The following RPS6KB1 variants were observed in gnomAD, a reference collection of about 807,000 sequenced individuals.
RPS6KB1 encodes ribosomal protein S6 kinase B1, also known as ribosomal protein S6 kinase beta-1.
RPS6KB1 carries 12 observed loss-of-function variants against 70.2 expected under a neutral mutation model. The ratio of observed to expected loss-of-function variants is 0.17; its 90% CI spans 0.11 to 0.28. The LOEUF (loss-of-function observed/expected upper bound fraction) is 0.28, where lower values mean the gene tolerates loss of function less well. RPS6KB1 is among the 10% of genes least tolerant of loss of function. The pLI is 1.00. For synonymous variants in RPS6KB1, 175 were observed against 211.2 expected (o/e 0.83, Z 1.49); for missense variants, 270 against 646.6 (o/e 0.42, Z 6.32).
chr17:59,931,498 C>T, intron 6 of RPS6KB1, 124 bp from the exon 7 acceptor site: 1 of 692,184 alleles, frequency 1.4e-6, no homozygotes, highest in East Asian at 2.7e-5. Flanking sequence ...CCAATACATC[C>T]CCCTACCCCA....
At chr17:59,900,475 C>A (rs1262695553) in intron 1 of RPS6KB1, among the ~76,000 whole-genome samples, 2 of 152,048 alleles carry the variant, frequency 1.3e-5, no homozygotes, top group Admixed American at 6.6e-5. Context: ...AAGCGATTCT[C>A]TTTCCTCAGC....
chr17:59,945,278 G>A (rs921937266), intron 13 of RPS6KB1, 128 bp from the exon 14 acceptor site: 15 of 563,774 alleles, frequency 2.7e-5, no homozygotes, highest in African/African-American at 2.3e-4. Context: ...GGTTGAGGAC[G>A]TGGGAGAGTG....
intron 1 of RPS6KB1, among the ~76,000 whole-genome samples, chr17:59,897,778 A>C (rs947559175): frequency 6.6e-6 from 1 of 152,082 alleles, no homozygotes; most frequent in African/African-American, 2.4e-5. Context: ...CAGCCTGGCC[A>C]ATATGGTGAA....
intron 2 of RPS6KB1, among the ~76,000 whole-genome samples, chr17:59,911,035 C>G (rs1184274534): frequency 6.6e-6 from 1 of 152,194 alleles, no homozygotes; most frequent in Non-Finnish European, 1.5e-5. Flanking sequence ...GTAATCCCAG[C>G]AGTTTGGGAG....
intron 13 of RPS6KB1, among the ~76,000 whole-genome samples, chr17:59,944,791 CT>C (rs3066277): frequency 0.041 from 5,495 of 134,418 alleles, 261 homozygotes; most frequent in African/African-American, 0.13. Context: ...TATTTAACAT[CT>C]TTTTTTTTTT....
intron 1 of RPS6KB1, among the ~76,000 whole-genome samples, chr17:59,903,414 G>T (rs1166002472): frequency 6.6e-6 from 1 of 152,074 alleles, no homozygotes; most frequent in Non-Finnish European, 1.5e-5. Context: ...GGTTGAGGCT[G>T]CAGTGAGCCA....
chr17:59,900,221 CACACA>C (rs1568377480), intron 1 of RPS6KB1, among the ~76,000 whole-genome samples: 1 of 139,458 alleles, frequency 7.2e-6, no homozygotes, highest in Non-Finnish European at 1.5e-5. Context: ...CACACACACA[CACACA>C]CACACCCCTA....
intron 4 of RPS6KB1, among the ~76,000 whole-genome samples, chr17:59,924,134 G>T (rs1210318664): frequency 6.6e-6 from 1 of 152,068 alleles, no homozygotes; most frequent in African/African-American, 2.4e-5. Context: ...TTCGAAACCA[G>T]CCTGGCCAGC....
intron 5 of RPS6KB1, among the ~76,000 whole-genome samples, chr17:59,929,134 GTT>G (rs768166469): frequency 1.4e-5 from 2 of 140,274 alleles, no homozygotes; most frequent in Non-Finnish European, 1.6e-5. Flanking sequence ...CAGTTTTGTT[GTT>G]TTTTTTTTTT....
At chr17:59,924,614 A>C (rs1674867176) in intron 4 of RPS6KB1, among the ~76,000 whole-genome samples, 1 of 150,478 alleles carries the variant, frequency 6.6e-6, no homozygotes, top group South Asian at 2.1e-4. Context: ...CAAAAGTCTT[A>C]TTTCTTTTCC....
chr17:59,942,933 T>C (rs1038933604), intron 13 of RPS6KB1, among the ~76,000 whole-genome samples: 23 of 151,628 alleles, frequency 1.5e-4, no homozygotes, highest in African/African-American at 5.3e-4. Flanking sequence ...GAGCCAAGAT[T>C]GTGCCACTGC....
chr17:59,933,307 G>T (rs1407439211), intron 7 of RPS6KB1, among the ~76,000 whole-genome samples: 1 of 147,378 alleles, frequency 6.8e-6, no homozygotes, highest in East Asian at 2.0e-4. Context: ...CCAAAACGTG[G>T]ATTCTGATCT....
At chr17:59,899,584 T>G (rs886822931) in intron 1 of RPS6KB1, among the ~76,000 whole-genome samples, 1 of 152,168 alleles carries the variant, frequency 6.6e-6, no homozygotes, top group Non-Finnish European at 1.5e-5. Flanking sequence ...GTTAGTCTTT[T>G]GTCATAAAAG....
In RPS6KB1 at chr17:59,894,732, G is replaced by A. The variant is rs147117353; in HGVS notation, c.141+1407G>A. Among the ~76,000 whole-genome samples the A allele has an allele frequency of 4.4e-3, 676 of 152,182 alleles. 4 individuals are homozygous for A. Among genetic ancestry groups the A allele is most frequent in the African/African-American group, 8.0e-3 (334 of 41,512 alleles). On this transcript the variant is annotated intron_variant, in intron 1 of 14. Coordinates refer to ENST00000225577, the MANE Select transcript of RPS6KB1 (RefSeq NM_003161.4). ...CGATTGTCATGGCTCAGCCTCCCAA[G>A]TAGCTAGGATTACAGGCATGCGCCA...
At position 59,931,491 on chromosome 17, in the gene RPS6KB1, A is replaced by G. The variant is rs541408865; in HGVS notation, c.588-131A>G. ...GCATCCTATGCCATCTCTTTTTCCA[A>G]TACATCCCCCTACCCCACTAATTTG... On this transcript the variant is annotated intron_variant, in intron 6 of 14. Coordinates refer to ENST00000225577, the MANE Select transcript of RPS6KB1 (RefSeq NM_003161.4). The G allele has an allele frequency of 2.9e-5, 19 of 660,732 alleles. 1 individual carries two copies. The highest frequency in any genetic ancestry group is 5.5e-5 in the East Asian group (2 of 36,290). 40.9% of individuals were successfully genotyped at this position (660,732 alleles called of 1,614,324 possible).
intron 12 of RPS6KB1, among the ~76,000 whole-genome samples, chr17:59,939,929 TTAAA>T (rs1480353241): frequency 6.6e-6 from 1 of 152,178 alleles, no homozygotes; most frequent in Non-Finnish European, 1.5e-5. Flanking sequence ...AGAGAAGGAA[TTAAA>T]TAAATAAATC....
chr17:59,934,126 A>G lies in RPS6KB1; in HGVS notation c.689-44A>G. On this transcript the variant is annotated intron_variant, in intron 7 of 14. Transcript: ENST00000225577. The surrounding 1 kb of genome is among the most constrained non-coding windows in gnomAD (Gnocchi z 4.8). ...TGTGACATGTTCAAACACTGCACAT[A>G]CTTATAATTCGGAGAATAATCATGC... 8.2e-7 allele frequency: 1 copy of G among 1,218,950 alleles called. No homozygotes were observed. The allele number at this position is 1,218,950 out of a possible 1,614,324, so 75.5% of individuals were successfully genotyped here.
rs561785982 is a variant in RPS6KB1 at position 59,919,050 on chromosome 17, C to T, written c.381+4347C>T. Among the ~76,000 whole-genome samples, 4 of 151,878 alleles carry T rather than the reference C, an allele frequency of 2.6e-5. No homozygotes were observed. In the East Asian group the frequency reaches 7.8e-4, roughly 30 times the overall value. On this transcript the variant is annotated intron_variant, in intron 4 of 14. Transcript: ENST00000225577. ...TTTCGCCATGTTGTCAGCCTGATCT[C>T]GAACTCCTGACCTCAAGTGATCTGT...
At chr17:59,897,418 C>T (rs2041627893) in intron 1 of RPS6KB1, among the ~76,000 whole-genome samples, 2 of 152,126 alleles carry the variant, frequency 1.3e-5, no homozygotes, top group South Asian at 2.1e-4. Flanking sequence ...GGTTTAACCT[C>T]GTATACCTAG....
Sources: allele counts gnomAD v4.1 joint callset (sites outside exome capture counted in the v4.1 genomes callset), GRCh38; gene constraint gnomAD v4.1.1; non-coding constraint Gnocchi (gnomAD v3.1); transcripts MANE v1.5; gene names NCBI Gene and HGNC (gene_info 2026-07-23, HGNC 2026-07-21).